The following NID1 variants were observed in gnomAD, a reference collection of about 807,000 sequenced individuals.
NID1 encodes the protein nidogen-1.
Under a neutral mutation model 130.6 loss-of-function variants are expected in NID1, and 76 were observed. The ratio of observed to expected loss-of-function variants is 0.58; its 90% CI spans 0.48 to 0.70. NID1 has a LOEUF of 0.70. NID1 is among the 30% of genes least tolerant of loss of function. The pLI, the probability that NID1 is intolerant of heterozygous loss-of-function variation, is 0.00. For missense variants in NID1, 1,517 were observed against 1,664.8 expected (o/e 0.91, Z 1.54); for synonymous variants, 665 against 675.1 (o/e 0.98, Z 0.23).
rs57769010 is a variant in NID1, at chr1:236,063,153, C to CAAAAA, written c.225+1697_225+1701dup. ...TGTGCAACAGAGTGAGACTTCATCT[C>CAAAAA]AAAAAAAAAAAAAAAAAAAAAAGTA... On this transcript the variant is annotated intron_variant, in intron 1 of 19. Coordinates refer to ENST00000264187, the MANE Select transcript of NID1 (RefSeq NM_002508.3). Among the ~76,000 whole-genome samples the CAAAAA allele has an allele frequency of 1.2e-3, 97 of 79,658 alleles. 4 individuals are homozygous for CAAAAA. The highest frequency in any genetic ancestry group is 5.7e-3 in the African/African-American group (89 of 15,740). 52.3% of individuals were successfully genotyped at this position (79,658 alleles called of 152,430 possible).
chr1:236,046,902 C>A (rs545722315), intron 2 of NID1, among the ~76,000 whole-genome samples: 3 of 152,176 alleles, frequency 2.0e-5, no homozygotes, highest in South Asian at 4.1e-4. Flanking sequence ...TTTTTTGGAG[C>A]GGGGGAAGGG....
At chr1:235,998,131 A>G (rs563489485) in intron 12 of NID1, among the ~76,000 whole-genome samples, 1 of 152,298 alleles carries the variant, frequency 6.6e-6, no homozygotes, top group East Asian at 1.9e-4. Context: ...GTGACATTCC[A>G]TAAGTGTGTT....
At chr1:236,045,343 T>C (rs1659569473) in intron 3 of NID1, 114 bp downstream of exon 3, 2 of 704,916 alleles carry the variant, frequency 2.8e-6, no homozygotes, top group Non-Finnish European at 4.7e-6. Flanking sequence ...AAAAACTATA[T>C]GCAAAACTTA....
chr1:236,034,435 A>AAG lies in NID1; in HGVS notation c.1286-1784_1286-1783insCT, dbSNP rs1553347842. ...GAAACTCCATCTCAAAAAAAAAAAA[A>AAG]AAAGAAAGAAAGAAAAAGAAAAAGG... On this transcript the variant is annotated intron_variant, in intron 5 of 19. Transcript: ENST00000264187. 7.9e-5 allele frequency among the ~76,000 whole-genome samples: 12 copies of AAG among 151,738 alleles called. No homozygotes were observed. The East Asian group carries it at 9.6e-4, about 12-fold the overall frequency.
chr1:236,055,371 G>T (rs1659870515), intron 1 of NID1, among the ~76,000 whole-genome samples: 1 of 151,934 alleles, frequency 6.6e-6, no homozygotes, highest in South Asian at 2.1e-4. Context: ...AATAAGTGAG[G>T]ACATCAATGA....
At chr1:236,033,933 T>C (rs1659170803) in intron 5 of NID1, among the ~76,000 whole-genome samples, 1 of 152,254 alleles carries the variant, frequency 6.6e-6, no homozygotes, top group Admixed American at 6.5e-5. Context: ...GGTTACTGTA[T>C]GGCCCAGCAA....
At chr1:236,006,056 G>A (rs749821424) in intron 12 of NID1, among the ~76,000 whole-genome samples, 2 of 152,054 alleles carry the variant, frequency 1.3e-5, no homozygotes, top group Non-Finnish European at 1.5e-5. Flanking sequence ...TTTTCTCTTG[G>A]GAGACTGACT....
At chr1:236,042,779 GA>G (rs2102840792) in intron 3 of NID1, among the ~76,000 whole-genome samples, 1 of 142,182 alleles carries the variant, frequency 7.0e-6, no homozygotes, top group African/African-American at 2.7e-5. Context: ...TGGAATTTCT[GA>G]AGTGATAAGA....
chr1:236,047,488 C>T (rs1352128259), intron 2 of NID1, among the ~76,000 whole-genome samples: 1 of 152,014 alleles, frequency 6.6e-6, no homozygotes, highest in Non-Finnish European at 1.5e-5. Context: ...ACTCAAAGAC[C>T]CTGCTTCCTT....
At chr1:236,061,741 A>C (rs1251971592) in intron 1 of NID1, among the ~76,000 whole-genome samples, 2 of 151,876 alleles carry the variant, frequency 1.3e-5, no homozygotes, top group Non-Finnish European at 2.9e-5. Flanking sequence ...TAAAAAAAAA[A>C]CACGATTTTT....
chr1:236,012,672 A>T (rs193019859), intron 11 of NID1, among the ~76,000 whole-genome samples: 142 of 152,226 alleles, frequency 9.3e-4, no homozygotes, highest in African/African-American at 3.4e-3. Context: ...CATAAATGAG[A>T]GCTTCAAAAC....
At position 236,064,041 on chromosome 1, in the gene NID1, C is replaced by T. The variant is rs150627018; in HGVS notation, c.225+814G>A. Among the ~76,000 whole-genome samples the T allele has an allele frequency of 4.9e-3, 740 of 152,316 alleles. 6 individuals are homozygous for T. Among genetic ancestry groups the T allele is most frequent in the African/African-American group, 0.016 (661 of 41,568 alleles). ...AGCCGCTGCGTTTGCAGTTCCAACC[C>T]CCTTCCCCCGGCCAACCCCCCACAC... On this transcript the variant is annotated intron_variant, in intron 1 of 19. Coordinates refer to ENST00000264187, the MANE Select transcript of NID1 (RefSeq NM_002508.3).
Position 235,985,390 on chromosome 1 carries a change from A to G in NID1, c.3044T>C (p.Ile1015Thr), listed in dbSNP as rs1227441051. Residue 1015 changes from isoleucine (I) to threonine (T), a missense_variant, in exon 15 of 20, where the codon ATC becomes ACC. Ile to Thr is a moderately conservative substitution (Grantham distance 89). This residue lies in a region of NID1 where 1,329 missense variants were observed against 1,429.2 expected (regional missense o/e 0.93). Transcript: ENST00000264187. ...ASLHGGEPTTIIRQDLGSPEG... is the reference protein window; with the variant it reads ...ASLHGGEPTTTIRQDLGSPEG... ...ATTTGCTTACTTACCTTGTCTAATG[A>G]TGGTGGTTGGCTCTCCACCATGTAG... 1 of 1,614,102 alleles carries G rather than the reference A, an allele frequency of 6.2e-7. No individual in the cohort carries two copies.
Position 236,027,101 on chromosome 1 carries a change from G to A in NID1, c.1739-960C>T, listed in dbSNP as rs984528895. Among the ~76,000 whole-genome samples, 5 of 152,102 alleles carry A rather than the reference G, an allele frequency of 3.3e-5. No individual in the cohort carries two copies. In the South Asian group the frequency reaches 1.0e-3, roughly 32 times the overall value. On this transcript the variant is annotated intron_variant, in intron 7 of 19. Transcript: ENST00000264187. The stretch of plus-strand genomic sequence containing the variant: ...AGCCATCCTGCAATACCAAAAAAAT[G>A]AGATATTAAATGAGTTTCAGTAGCC...
At chr1:236,034,870 T>C (rs1659206365) in intron 5 of NID1, among the ~76,000 whole-genome samples, 1 of 152,154 alleles carries the variant, frequency 6.6e-6, no homozygotes. Context: ...TGGTATTACT[T>C]TCAGTTATTG....
chr1:236,032,351 C>T (rs112712941), intron 6 of NID1, 50 bp downstream of exon 6: 1 of 1,592,598 alleles, frequency 6.3e-7, no homozygotes, highest in Non-Finnish European at 8.6e-7. Flanking sequence ...CAGGCCTCCC[C>T]CTAGGCACTA....
At chr1:236,020,056 AAAC>A (rs1403244130) in intron 9 of NID1, among the ~76,000 whole-genome samples, 63 of 137,276 alleles carry the variant, frequency 4.6e-4, no homozygotes, top group African/African-American at 1.6e-3. Flanking sequence ...AAAAAAAAAA[AAAC>A]AAAAACAAAC....
At position 235,979,860 on chromosome 1, in the gene NID1, C is replaced by T. The variant is rs777144924; in HGVS notation, c.3471G>A (p.Thr1157=). ...LEGLQYPFAV[T]SYGKNLYFTD... Reference sequence around the variant, plus strand: ...TGAAATACAGATTCTTCCCGTAGCTCGTCACAGCAAAAGGATACTGGAGCC... The same window carrying T: ...TGAAATACAGATTCTTCCCGTAGCTTGTCACAGCAAAAGGATACTGGAGCC... Residue 1157 remains threonine (T), a synonymous_variant, in exon 18 of 20, where the codon ACG becomes ACA. Transcript: ENST00000264187. This position sits in a 1 kb window ranked among gnomAD's most constrained non-coding sequence, Gnocchi z 4.6. 3.2e-5 allele frequency: 52 copies of T among 1,613,990 alleles called. 1 individual carries two copies. Among genetic ancestry groups the T allele is most frequent in the Middle Eastern group, 3.3e-4 (2 of 6,084 alleles).
intron 10 of NID1, among the ~76,000 whole-genome samples, chr1:236,014,359 A>G (rs1364033710): frequency 6.6e-6 from 1 of 152,130 alleles, no homozygotes; most frequent in Non-Finnish European, 1.5e-5. Flanking sequence ...ATGGGAGGGA[A>G]TGATTTGTGT....
Sources: allele counts gnomAD v4.1 joint callset (sites outside exome capture counted in the v4.1 genomes callset), GRCh38; gene constraint gnomAD v4.1.1; regional missense constraint gnomAD v4.1.1; non-coding constraint Gnocchi (gnomAD v3.1); transcripts MANE v1.5; gene names NCBI Gene and HGNC (gene_info 2026-07-23, HGNC 2026-07-21).